Variants in CASP9 observed in about 807,000 individuals in gnomAD.
CASP9 encodes the protein caspase 9, also known as caspase-9.
CASP9 carries 29 observed loss-of-function variants against 43.5 expected under a neutral mutation model. The ratio of observed to expected loss-of-function variants is 0.67; its 90% CI spans 0.50 to 0.91. The LOEUF is 0.91. Among genes scored for constraint, CASP9 ranks in the 40% least tolerant of loss-of-function variants. CASP9 has a pLI of 0.00. For missense variants in CASP9, 575 were observed against 537.4 expected (o/e 1.07, Z -0.69); for synonymous variants, 206 against 211.9 (o/e 0.97, Z 0.24).
Position 15,506,891 on chromosome 1 carries a change from G to T in CASP9, c.630+8C>A. 6.3e-7 allele frequency: 1 copy of T among 1,598,854 alleles called. No homozygotes were observed. The highest frequency in any genetic ancestry group is 8.6e-7 in the Non-Finnish European group (1 of 1,166,576). On this transcript the variant is annotated splice_region_variant and intron_variant, in intron 4 of 8. Coordinates refer to ENST00000333868, the MANE Select transcript of CASP9 (RefSeq NM_001229.5). ...CACCCTGTCTCCCTCCACAGATAGT[G>T]AGTGTACCTTGGCAGTCAGGTCGCC... is the stretch of plus-strand genomic sequence containing the variant.
chr1:15,519,383 G>A (rs1465889168), intron 1 of CASP9, among the ~76,000 whole-genome samples: 1 of 152,120 alleles, frequency 6.6e-6, no homozygotes, highest in Non-Finnish European at 1.5e-5. Flanking sequence ...GTTTCACCAT[G>A]TTGGCCAGGC....
At chr1:15,501,395 T>C (rs1709323206) in intron 6 of CASP9, among the ~76,000 whole-genome samples, 1 of 151,760 alleles carries the variant, frequency 6.6e-6, no homozygotes, top group African/African-American at 2.4e-5. Context: ...AAATTATTTA[T>C]TATTATATTT....
Position 15,493,573 on chromosome 1 carries a change from G to A in CASP9, c.1158+319C>T, listed in dbSNP as rs180839039. The A allele has an allele frequency of 1.6e-3, 2,304 of 1,418,268 alleles. 3 individuals carry two copies. The highest frequency in any genetic ancestry group is 4.9e-3 in the Middle Eastern group (19 of 3,842). The allele number at this position is 1,418,268 out of a possible 1,614,324, so 87.9% of individuals were successfully genotyped here. A position where few individuals can be genotyped will look rare whatever the true frequency, so the allele number is the denominator to read the frequency against. The stretch of plus-strand genomic sequence containing the variant: ...GGATATAGGGAGGGGCCCATGACCC[G>A]CCTTCAGGGTCTGGACAGAGCCATC... On this transcript the variant is annotated intron_variant, in intron 8 of 8. Transcript: ENST00000333868.
intron 3 of CASP9, 48 bp from the exon 4 acceptor site, chr1:15,507,123 T>C (rs1709556780): frequency 1.9e-6 from 3 of 1,609,620 alleles, no homozygotes; most frequent in East Asian, 2.2e-5. Flanking sequence ...CCACGCTCCC[T>C]AGAGGACAGT....
intron 2 of CASP9, among the ~76,000 whole-genome samples, chr1:15,515,322 A>G (rs536338451): frequency 6.6e-6 from 1 of 152,214 alleles, no homozygotes; most frequent in East Asian, 1.9e-4. Context: ...TACCCTTATC[A>G]TGTTTGTCTG....
chr1:15,508,909 A>G (rs548505455), intron 2 of CASP9, among the ~76,000 whole-genome samples: 1 of 152,376 alleles, frequency 6.6e-6, no homozygotes, highest in African/African-American at 2.4e-5. Flanking sequence ...AGTAGGCAAC[A>G]TGGCACTGGC....
intron 2 of CASP9, among the ~76,000 whole-genome samples, chr1:15,517,676 C>T (rs969610177): frequency 1.3e-5 from 2 of 151,952 alleles, no homozygotes; most frequent in African/African-American, 2.4e-5. Flanking sequence ...TTGCTATAAA[C>T]GAAGAAGGTA....
chr1:15,510,087 G>A (rs751179666), intron 2 of CASP9, among the ~76,000 whole-genome samples: 4 of 151,900 alleles, frequency 2.6e-5, no homozygotes, highest in Admixed American at 6.6e-5. Flanking sequence ...CCTGCATCAC[G>A]CTTGGCTAAT....
intron 1 of CASP9, among the ~76,000 whole-genome samples, chr1:15,520,614 G>A (rs962258184): frequency 3.9e-5 from 6 of 152,218 alleles, no homozygotes; most frequent in Admixed American, 1.3e-4. Flanking sequence ...TGGTCAAGCG[G>A]TAATGCCAGT....
chr1:15,504,860 G>T, intron 5 of CASP9, 102 bp from the exon 6 acceptor site: 1 of 1,187,134 alleles, frequency 8.4e-7, no homozygotes, highest in Non-Finnish European at 1.2e-6. Context: ...GAAGGTCAAA[G>T]CCAGGGGCAC....
At chr1:15,516,367 A>T (rs1042387509) in intron 2 of CASP9, among the ~76,000 whole-genome samples, 1 of 151,424 alleles carries the variant, frequency 6.6e-6, no homozygotes, top group African/African-American at 2.4e-5. Flanking sequence ...TGGCGCACAC[A>T]GCTACCTGGG....
chr1:15,493,088 G>T, intron 8 of CASP9, 53 bp from the exon 9 acceptor site: 1 of 1,608,654 alleles, frequency 6.2e-7, no homozygotes. Context: ...TGGACTGAAG[G>T]AAGAATTCAA....
chr1:15,524,636 C>G, upstream of CASP9: 1 of 1,049,998 alleles, frequency 9.5e-7, no homozygotes, highest in South Asian at 2.6e-5. Flanking sequence ...GACGCATCTC[C>G]AACGCCTCGC....
At chr1:15,502,592 G>A (rs1343497612) in intron 6 of CASP9, among the ~76,000 whole-genome samples, 1 of 152,228 alleles carries the variant, frequency 6.6e-6, no homozygotes, top group Non-Finnish European at 1.5e-5. Context: ...TGGGGAAGGT[G>A]AAGTGGCAGG....
chr1:15,516,481 T>TA (rs61079693), intron 2 of CASP9, among the ~76,000 whole-genome samples: 32,238 of 148,052 alleles, frequency 0.22, 4,381 homozygotes, highest in South Asian at 0.34. Flanking sequence ...TTGCCTCAAT[T>TA]AAAAAAAAAA....
At chr1:15,502,694 G>C (rs1315416684) in intron 6 of CASP9, among the ~76,000 whole-genome samples, 2 of 152,226 alleles carry the variant, frequency 1.3e-5, no homozygotes, top group Non-Finnish European at 1.5e-5. Flanking sequence ...CTGCTGTTGA[G>C]ACTGAGACTG....
chr1:15,495,452 T>C lies in CASP9; in HGVS notation c.869A>G (p.Glu290Gly), dbSNP rs1286838324. 4 of 1,576,718 alleles carry C rather than the reference T, an allele frequency of 2.5e-6. No individual in the cohort carries two copies. The African/African-American group carries it at 4.1e-5, about 16-fold the overall frequency. ...KLFFIQACGG[E>G]QKDHGFEVAS... ...CACCTCAAACCCATGGTCTTTCTGCTCTGCAGGAAGCAGAAACAAACACCT... is the reference window on the plus strand; with the variant it reads ...CACCTCAAACCCATGGTCTTTCTGCCCTGCAGGAAGCAGAAACAAACACCT... Residue 290 changes from glutamate to glycine, a missense_variant and splice_region_variant, in exon 7 of 9, where the codon GAG becomes GGG. By Grantham distance (98) the Glu-to-Gly change is moderately conservative. Coordinates refer to ENST00000333868, the MANE Select transcript of CASP9 (RefSeq NM_001229.5).
At chr1:15,493,147 A>G (rs1425139193) in intron 8 of CASP9, 112 bp from the exon 9 acceptor site, 1 of 1,539,544 alleles carries the variant, frequency 6.5e-7, no homozygotes, top group Non-Finnish European at 8.7e-7. Flanking sequence ...AAAACAGCTC[A>G]AACTGCAGCC....
intron 7 of CASP9, among the ~76,000 whole-genome samples, chr1:15,494,999 TC>T (rs1405685580): frequency 2.6e-5 from 4 of 151,844 alleles, no homozygotes; most frequent in Admixed American, 2.6e-4. Context: ...CGATTCCTAT[TC>T]CCCTGCTAAA....
Sources: allele counts gnomAD v4.1 joint callset (sites outside exome capture counted in the v4.1 genomes callset), GRCh38; gene constraint gnomAD v4.1.1; transcripts MANE v1.5; gene names NCBI Gene and HGNC (gene_info 2026-07-23, HGNC 2026-07-21).